The following MGAT3 variants were observed in gnomAD, a reference collection of about 807,000 sequenced individuals.
The protein encoded by MGAT3 is beta-1,4-mannosyl-glycoprotein 4-beta-N-acetylglucosaminyltransferase.
A neutral mutation model predicts 29.8 loss-of-function variants in MGAT3; 9 were observed. The observed-to-expected ratio is 0.30, with a 90% CI of 0.18 to 0.53. The LOEUF (loss-of-function observed/expected upper bound fraction) is 0.53, where lower values mean the gene tolerates loss of function less well. Among genes scored for constraint, MGAT3 ranks in the 20% least tolerant of loss-of-function variants. The probability of loss-of-function intolerance (pLI) is 0.96; values close to 1 mark genes in which losing one functional copy is unlikely to be tolerated. For synonymous variants in MGAT3, 397 were observed against 348.9 expected (o/e 1.14, Z -1.54); for missense variants, 557 against 769.5 (o/e 0.72, Z 3.27).
At chr22:39,459,051 C>T (rs868855011) in intron 1 of MGAT3, among the ~76,000 whole-genome samples, 1 of 135,454 alleles carries the variant, frequency 7.4e-6, no homozygotes, top group African/African-American at 3.1e-5. Context: ...CTGGTGATTC[C>T]TTTTTCTTTT....
Position 39,461,717 on chromosome 22 carries a change from A to G in MGAT3, c.-2+4160A>G, listed in dbSNP as rs151098520. ...ACCAGCCCCACAACCCAAGTCAGAC[A>G]GACCCATCTCCCCTTCTGCTCTTCC... is the stretch of plus-strand genomic sequence containing the variant. On this transcript the variant is annotated intron_variant, in intron 1 of 1. Coordinates refer to ENST00000341184, the MANE Select transcript of MGAT3 (RefSeq NM_002409.5). 5.1e-4 allele frequency among the ~76,000 whole-genome samples: 77 copies of G among 152,242 alleles called. 1 individual carries two copies. The East Asian group carries it at 0.014, about 28-fold the overall frequency.
chr22:39,459,133 G>A (rs917241891), intron 1 of MGAT3, among the ~76,000 whole-genome samples: 1 of 150,936 alleles, frequency 6.6e-6, no homozygotes, highest in African/African-American at 2.4e-5. Flanking sequence ...GAGTGCAGTG[G>A]TGCCATCCTG....
At chr22:39,485,309 T>A in intron 1 of MGAT3, among the ~76,000 whole-genome samples, 1 of 152,162 alleles carries the variant, frequency 6.6e-6, no homozygotes, top group Non-Finnish European at 1.5e-5. Context: ...GCTGCACGGC[T>A]CATTCATAAA....
chr22:39,469,617 C>A (rs187838862), intron 1 of MGAT3, among the ~76,000 whole-genome samples: 1 of 152,304 alleles, frequency 6.6e-6, no homozygotes, highest in African/African-American at 2.4e-5. Context: ...CAGCCAACAA[C>A]CCCTCCACTG....
chr22:39,475,114 C>T (rs925903994), intron 1 of MGAT3, among the ~76,000 whole-genome samples: 1 of 140,186 alleles, frequency 7.1e-6, no homozygotes, highest in African/African-American at 3.0e-5. Context: ...GAATTCACAG[C>T]AGGGCTTGCC....
Position 39,487,055 on chromosome 22 carries a change from G to A in MGAT3, c.-1-292G>A, listed in dbSNP as rs1308641815. Among the ~76,000 whole-genome samples the A allele has an allele frequency of 1.3e-5, 2 of 152,186 alleles. No individual in the cohort carries two copies. Among genetic ancestry groups the A allele is most frequent in the African/African-American group, 4.8e-5 (2 of 41,448 alleles). ...CCAAGCCTAGCAGTGCAGCCGCACA[G>A]TCAGGGTGGGGTGGGCCAGGCGGAG... On this transcript the variant is annotated intron_variant, in intron 1 of 1. Coordinates refer to ENST00000341184, the MANE Select transcript of MGAT3 (RefSeq NM_002409.5). This position sits in a 1 kb window ranked among gnomAD's most constrained non-coding sequence, Gnocchi z 5.7.
At chr22:39,476,433 G>C (rs1026697591) in intron 1 of MGAT3, 3 of 152,296 alleles carry the variant, frequency 2.0e-5, no homozygotes, top group South Asian at 2.1e-4. Context: ...TCATCCATGG[G>C]TGGGCACAGC....
rs903364210 is a variant in MGAT3, at chr22:39,491,559, A to C, written c.*2610A>C. On this transcript the variant is annotated 3_prime_UTR_variant, in exon 2 of 2. Transcript: ENST00000341184. This position sits in a 1 kb window ranked among gnomAD's most constrained non-coding sequence, Gnocchi z 5.5. The stretch of plus-strand genomic sequence containing the variant: ...AAGCGAAGGAAGATAGGAGCAGCTC[A>C]GAGCTGCCAGGCTCTGCCTTCCTCA... The C allele has an allele frequency of 6.0e-6, 1 of 166,406 alleles. No individual in the cohort carries two copies. Among genetic ancestry groups the C allele is most frequent in the African/African-American group, 2.4e-5 (1 of 41,452 alleles). 10.3% of individuals were successfully genotyped at this position (166,406 alleles called of 1,614,324 possible).
rs1193834345 is a variant in MGAT3, at chr22:39,488,703, G to A, written c.1356G>A (p.Leu452=). Residue 452 remains leucine (L), a synonymous_variant, in exon 2 of 2, where the codon CTG becomes CTA. Coordinates refer to ENST00000341184, the MANE Select transcript of MGAT3 (RefSeq NM_002409.5). ...RWGDYEDKRD[L]NYIRGLIRTG... is the part of the protein sequence containing the mutation. Reference sequence around the variant, plus strand: ...GTGACTACGAGGACAAGCGGGACCTGAACTACATCCGCGGCCTGATCCGCA... The same window carrying A: ...GTGACTACGAGGACAAGCGGGACCTAAACTACATCCGCGGCCTGATCCGCA... 2 of 1,613,734 alleles carry A rather than the reference G, an allele frequency of 1.2e-6. No individual in the cohort carries two copies. The highest frequency in any genetic ancestry group is 3.3e-5 in the Admixed American group (2 of 60,004).
Position 39,487,518 on chromosome 22 carries a change from G to A in MGAT3, c.171G>A (p.Thr57=). The change falls in exon 2 of 2, where the codon ACG becomes ACA. Residue 57 remains threonine, a synonymous_variant. Transcript: ENST00000341184. This position sits in a 1 kb window ranked among gnomAD's most constrained non-coding sequence, Gnocchi z 5.7. ...TTTTCTGGAACAATGCCCCGGTCAC[G>A]CCCCAGGCCAGCCCCGAGCCAGGAG... ...SSFFWNNAPV[T]PQASPEPGGP... 2 of 1,612,658 alleles carry A rather than the reference G, an allele frequency of 1.2e-6. No homozygotes were observed. Among genetic ancestry groups the A allele is most frequent in the Non-Finnish European group, 1.7e-6 (2 of 1,179,906 alleles).
rs773597423 is a variant in MGAT3, at chr22:39,488,785, C to T, written c.1438C>T (p.His480Tyr). The part of the protein sequence containing the change: ...QEYPPADPSE[H>Y]MYAPKYLLKN... ...GTACCCGCCTGCAGACCCCAGCGAGCACATGTATGCGCCCAAGTACCTGCT... is the reference window on the plus strand; with the variant it reads ...GTACCCGCCTGCAGACCCCAGCGAGTACATGTATGCGCCCAAGTACCTGCT... The change falls in exon 2 of 2, where the codon CAC (histidine) becomes TAC (tyrosine). Residue 480 changes from histidine to tyrosine, a missense_variant. Transcript: ENST00000341184. 2 of 1,611,296 alleles carry T rather than the reference C, an allele frequency of 1.2e-6. No individual in the cohort carries two copies. The highest frequency in any genetic ancestry group is 2.2e-5 in the South Asian group (2 of 90,760).
rs772751575 is a variant in MGAT3 at position 39,487,881 on chromosome 22, C to T, written c.534C>T (p.His178=). 20 of 1,571,020 alleles carry T rather than the reference C, an allele frequency of 1.3e-5. No homozygotes were observed. The highest frequency in any genetic ancestry group is 5.3e-5 in the Admixed American group (3 of 56,512). ...WVECVCLPGW[H]GPSCGVPTVV... ...AGTGCGTGTGCCTGCCCGGCTGGCA[C>T]GGACCCAGCTGCGGCGTGCCCACTG... The change falls in exon 2 of 2, where the codon CAC becomes CAT. Residue 178 remains histidine (H), a synonymous_variant. Coordinates refer to ENST00000341184, the MANE Select transcript of MGAT3 (RefSeq NM_002409.5). The surrounding 1 kb of genome is among the most constrained non-coding windows in gnomAD (Gnocchi z 5.7).
intron 1 of MGAT3, among the ~76,000 whole-genome samples, chr22:39,485,416 G>A (rs895299411): frequency 6.6e-6 from 1 of 152,192 alleles, no homozygotes; most frequent in African/African-American, 2.4e-5. Context: ...TATAAACTGG[G>A]AGCAACAGGG....
Position 39,488,454 on chromosome 22 carries a change from G to A in MGAT3, c.1107G>A (p.Met369Ile). The A allele has an allele frequency of 6.2e-7, 1 of 1,612,882 alleles. No homozygotes were observed. The highest frequency in any genetic ancestry group is 1.1e-5 in the South Asian group (1 of 91,082). Residue 369 changes from methionine to isoleucine, a missense_variant, in exon 2 of 2, where the codon ATG becomes ATA. This residue lies in a region of MGAT3 where 243 missense variants were observed against 444.0 expected (regional missense o/e 0.55). Transcript: ENST00000341184. ...LEVVSGCTVD[M>I]LQAVYGLDGI... ...TGGTGTCAGGCTGCACGGTGGACAT[G>A]CTGCAGGCAGTGTATGGGCTGGACG...
Position 39,488,384 on chromosome 22 carries a change from A to G in MGAT3, c.1037A>G (p.Lys346Arg). 2.5e-6 allele frequency: 4 copies of G among 1,612,954 alleles called. No homozygotes were observed. The highest frequency in any genetic ancestry group is 2.5e-6 in the Non-Finnish European group (3 of 1,180,018). ...GAGCCCTTCGCCTTCCACATGCGCA[A>G]GTCGCTCTACGGCTTCTTCTGGAAG... ...WTEPFAFHMR[K>R]SLYGFFWKQP... Residue 346 changes from lysine to arginine, a missense_variant, in exon 2 of 2, where the codon AAG (lysine) becomes AGG (arginine). Physicochemically the swap from Lys to Arg is conservative, Grantham distance 26. Coordinates refer to ENST00000341184, the MANE Select transcript of MGAT3 (RefSeq NM_002409.5).
At chr22:39,460,361 G>C (rs1452676798) in intron 1 of MGAT3, among the ~76,000 whole-genome samples, 1 of 152,170 alleles carries the variant, frequency 6.6e-6, no homozygotes, top group Non-Finnish European at 1.5e-5. Flanking sequence ...GCCCTGTGCT[G>C]GCTGCTTGGG....
rs188132037 is a variant in MGAT3 at position 39,461,320 on chromosome 22, G to C, written c.-2+3763G>C. Among the ~76,000 whole-genome samples, 680 of 152,280 alleles carry C rather than the reference G, an allele frequency of 4.5e-3. 7 individuals are homozygous for C. The highest frequency in any genetic ancestry group is 0.016 in the African/African-American group (646 of 41,548). ...ATACTGTAGGTGAGAAGGGCTTTCA[G>C]GGGGAGGCATGGGAGGGCTGGAGGT... On this transcript the variant is annotated intron_variant, in intron 1 of 1. Transcript: ENST00000341184.
chr22:39,460,587 C>A (rs979159198), intron 1 of MGAT3, among the ~76,000 whole-genome samples: 2 of 152,136 alleles, frequency 1.3e-5, no homozygotes, highest in Non-Finnish European at 2.9e-5. Context: ...CACCTGAGGT[C>A]AGGAGTTCAA....
chr22:39,489,308 T>TG lies in MGAT3; in HGVS notation c.*365dup, dbSNP rs1311456981. On this transcript the variant is annotated 3_prime_UTR_variant, in exon 2 of 2. Transcript: ENST00000341184. ...CTGCAGGATCTCACCAGGCAGCCTC[T>TG]GGGGGGTGGCCAGGCCGGGAAAAAG... 1 of 284,290 alleles carries TG rather than the reference T, an allele frequency of 3.5e-6. No homozygotes were observed. The highest frequency in any genetic ancestry group is 7.1e-6 in the Non-Finnish European group (1 of 141,524). The allele number at this position is 284,290 out of a possible 1,614,324, so 17.6% of individuals were successfully genotyped here.
Sources: gnomAD v4.1 joint callset for allele counts (sites outside exome capture counted in the v4.1 genomes callset) on GRCh38, gnomAD v4.1.1 for gene constraint, gnomAD v4.1.1 regional missense constraint, Gnocchi (gnomAD v3.1) non-coding constraint, MANE v1.5 for transcripts, NCBI Gene and HGNC (gene_info 2026-07-23, HGNC 2026-07-21) for gene names.